BABAM2: variants seen among roughly 807,000 people sequenced by gnomAD.
BABAM2 encodes BRISC and BRCA1 A complex member 2.
Under a neutral mutation model 54.7 loss-of-function variants are expected in BABAM2, and 31 were observed. The observed-to-expected ratio is 0.57, with a 90% CI of 0.43 to 0.77. BABAM2 has a LOEUF of 0.77. BABAM2 is among the 30% of genes least tolerant of loss of function. The probability of loss-of-function intolerance (pLI) is 0.00; values close to 1 mark genes in which losing one functional copy is unlikely to be tolerated. For missense variants in BABAM2, 364 were observed against 455.8 expected (o/e 0.80, Z 1.83); for synonymous variants, 167 against 162.9 (o/e 1.03, Z -0.19).
intron 3 of BABAM2, among the ~76,000 whole-genome samples, chr2:27,941,849 A>G (rs1668913456): frequency 6.6e-6 from 1 of 152,236 alleles, no homozygotes; most frequent in African/African-American, 2.4e-5. Context: ...AAACAAAATG[A>G]GAACAGTTTC....
At chr2:27,910,284 G>A (rs1055490623) in intron 2 of BABAM2, among the ~76,000 whole-genome samples, 4 of 152,154 alleles carry the variant, frequency 2.6e-5, no homozygotes, top group South Asian at 2.1e-4. Context: ...GTTCAGGGGT[G>A]TATCACAGTT....
chr2:27,893,822 C>T (rs568225612), intron 1 of BABAM2, among the ~76,000 whole-genome samples: 2 of 151,938 alleles, frequency 1.3e-5, no homozygotes, highest in Non-Finnish European at 1.5e-5. Context: ...GATGAAACCC[C>T]GTCTCTACTA....
intron 6 of BABAM2, among the ~76,000 whole-genome samples, chr2:28,116,530 G>A (rs1230434474): frequency 6.6e-6 from 1 of 152,156 alleles, no homozygotes; most frequent in Non-Finnish European, 1.5e-5. Flanking sequence ...CTGCTGGCTG[G>A]GTGGGTAGGA....
At chr2:28,174,785 G>T (rs574716588) in intron 7 of BABAM2, among the ~76,000 whole-genome samples, 1 of 152,116 alleles carries the variant, frequency 6.6e-6, no homozygotes, top group African/African-American at 2.4e-5. Flanking sequence ...AGCGTGGTAC[G>T]ATTTTGAGAG....
chr2:28,073,352 G>A (rs1664346101), intron 6 of BABAM2, among the ~76,000 whole-genome samples: 1 of 152,016 alleles, frequency 6.6e-6, no homozygotes, highest in South Asian at 2.1e-4. Flanking sequence ...ATTTTAATTA[G>A]CCAGTTGTCG....
At chr2:27,998,454 C>T (rs944795829) in intron 4 of BABAM2, among the ~76,000 whole-genome samples, 5 of 151,952 alleles carry the variant, frequency 3.3e-5, no homozygotes, top group East Asian at 1.9e-4. Flanking sequence ...CATGGACATA[C>T]GTTTGTCTAC....
At chr2:28,034,993 G>C (rs1456725899) in intron 5 of BABAM2, among the ~76,000 whole-genome samples, 4 of 152,056 alleles carry the variant, frequency 2.6e-5, no homozygotes, top group Non-Finnish European at 5.9e-5. Flanking sequence ...TGTGACTATC[G>C]AGCATTTGAA....
intron 3 of BABAM2, among the ~76,000 whole-genome samples, chr2:27,943,152 G>C (rs1410839858): frequency 3.9e-5 from 6 of 152,202 alleles, no homozygotes; most frequent in African/African-American, 1.4e-4. Flanking sequence ...GACTATAGCT[G>C]TTGGCATTTT....
intron 6 of BABAM2, among the ~76,000 whole-genome samples, chr2:28,049,542 T>C (rs1677849910): frequency 6.6e-6 from 1 of 151,960 alleles, no homozygotes; most frequent in African/African-American, 2.4e-5. Flanking sequence ...TCCTGATGGA[T>C]TGCATGTAGA....
In BABAM2 at chr2:27,933,180, T is replaced by C. The variant is rs763546284; in HGVS notation, c.205+3272T>C. Among the ~76,000 whole-genome samples, 108 of 152,234 alleles carry C rather than the reference T, an allele frequency of 7.1e-4. 2 individuals carry two copies. In the Middle Eastern group the frequency reaches 9.5e-3, roughly 13 times the overall value. On this transcript the variant is annotated intron_variant, in intron 3 of 11. Coordinates refer to ENST00000379624, the MANE Select transcript of BABAM2 (RefSeq NM_199191.3). ...TTCATGGGAAACCTTTAATAACATTTGTGATTAGTGTATTAGGACTGTCAC... is the reference window on the plus strand; with the variant it reads ...TTCATGGGAAACCTTTAATAACATTCGTGATTAGTGTATTAGGACTGTCAC...
At chr2:28,192,379 G>A (rs1677012621) in intron 7 of BABAM2, among the ~76,000 whole-genome samples, 1 of 151,702 alleles carries the variant, frequency 6.6e-6, no homozygotes, top group Non-Finnish European at 1.5e-5. Flanking sequence ...ACACCAACAT[G>A]GCACATTTAT....
intron 7 of BABAM2, among the ~76,000 whole-genome samples, chr2:28,191,575 T>C (rs1244812353): frequency 6.6e-6 from 1 of 152,156 alleles, no homozygotes; most frequent in East Asian, 1.9e-4. Flanking sequence ...ATGAGTATAC[T>C]ATTGGTACGC....
intron 7 of BABAM2, among the ~76,000 whole-genome samples, chr2:28,163,211 C>T (rs1251008905): frequency 6.6e-6 from 1 of 152,162 alleles, no homozygotes; most frequent in Non-Finnish European, 1.5e-5. Context: ...CCTGCTTCCC[C>T]CATGACCTTC....
chr2:28,182,172 T>C (rs1430935308), intron 7 of BABAM2, among the ~76,000 whole-genome samples: 1 of 152,136 alleles, frequency 6.6e-6, no homozygotes, highest in African/African-American at 2.4e-5. Context: ...TCTGAGAGAC[T>C]CACTGGAGTG....
At chr2:28,227,308 G>C (rs1680976647) in intron 7 of BABAM2, among the ~76,000 whole-genome samples, 1 of 152,080 alleles carries the variant, frequency 6.6e-6, no homozygotes, top group African/African-American at 2.4e-5. Context: ...TAGGCACCCT[G>C]GGCAGCCTGA....
At chr2:28,299,450 A>C (rs1687943024) in intron 11 of BABAM2, among the ~76,000 whole-genome samples, 2 of 152,222 alleles carry the variant, frequency 1.3e-5, no homozygotes, top group Admixed American at 1.3e-4. Flanking sequence ...CGAAGAGTGC[A>C]TGTGGTTATA....
chr2:27,990,227 C>T (rs143889924), intron 4 of BABAM2, among the ~76,000 whole-genome samples: 2,611 of 152,180 alleles, frequency 0.017, 31 homozygotes, highest in Non-Finnish European at 0.026. Context: ...ACTAGTTGGG[C>T]GATGTCCAAA....
At chr2:28,003,075 C>G (rs1673692087) in intron 4 of BABAM2, among the ~76,000 whole-genome samples, 1 of 151,974 alleles carries the variant, frequency 6.6e-6, no homozygotes, top group African/African-American at 2.4e-5. Context: ...TTTATGTTCC[C>G]AATATACTTC....
At chr2:28,064,973 AGCCTGGGC>A (rs1679189158) in intron 6 of BABAM2, among the ~76,000 whole-genome samples, 1 of 151,846 alleles carries the variant, frequency 6.6e-6, no homozygotes, top group African/African-American at 2.4e-5. Flanking sequence ...ACTGCACTCC[AGCCTGGGC>A]GACAGAGTGA....
Sources: gnomAD v4.1 joint callset for allele counts (sites outside exome capture counted in the v4.1 genomes callset) on GRCh38, gnomAD v4.1.1 for gene constraint, MANE v1.5 for transcripts, NCBI Gene and HGNC (gene_info 2026-07-23, HGNC 2026-07-21) for gene names.